TBXAS1: variants seen among roughly 807,000 people sequenced by gnomAD.
The protein encoded by TBXAS1 is thromboxane-A synthase.
TBXAS1 carries 48 observed loss-of-function variants against 60.7 expected under a neutral mutation model. The observed-to-expected ratio is 0.79, with a 90% CI of 0.63 to 1.01. The LOEUF (loss-of-function observed/expected upper bound fraction) is 1.01. Ranked by LOEUF, TBXAS1 falls within the 50% of genes least tolerant of loss-of-function variation. The pLI is 0.00. For missense variants in TBXAS1, 685 were observed against 686.3 expected (o/e 1.00, Z 0.02); for synonymous variants, 287 against 269.7 (o/e 1.06, Z -0.63).
intron 2 of TBXAS1, among the ~76,000 whole-genome samples, chr7:139,781,553 T>C (rs1796989209): frequency 1.3e-5 from 2 of 152,138 alleles, no homozygotes; most frequent in Admixed American, 1.3e-4. Flanking sequence ...GAAAAGCAGC[T>C]GGGTGCTGTG....
chr7:139,950,615 G>A (rs1021791321), intron 5 of TBXAS1, among the ~76,000 whole-genome samples: 6 of 152,002 alleles, frequency 3.9e-5, no homozygotes, highest in Admixed American at 1.3e-4. Flanking sequence ...CCACCTCCAC[G>A]TGGCAGCCTT....
intron 1 of TBXAS1, among the ~76,000 whole-genome samples, chr7:139,834,503 A>G (rs1798930017): frequency 6.6e-6 from 1 of 152,186 alleles, no homozygotes; most frequent in Non-Finnish European, 1.5e-5. Context: ...ATACACACAC[A>G]CAAAATAAAA....
At chr7:139,897,672 C>G (rs552630429) in intron 3 of TBXAS1, among the ~76,000 whole-genome samples, 53 of 152,254 alleles carry the variant, frequency 3.5e-4, no homozygotes, top group Non-Finnish European at 5.7e-4. Context: ...ACAGGCTCTA[C>G]AAACTCCTGA....
At chr7:139,956,943 C>T (rs1809911432) in intron 7 of TBXAS1, among the ~76,000 whole-genome samples, 1 of 152,254 alleles carries the variant, frequency 6.6e-6, no homozygotes, top group Non-Finnish European at 1.5e-5. Context: ...TCTCCCCAGC[C>T]CAGCTCCCAT....
At chr7:139,827,523 CTTT>C (rs139614756), upstream of TBXAS1, among the ~76,000 whole-genome samples, 9,565 of 149,060 alleles carry the variant, frequency 0.064, 985 homozygotes, top group African/African-American at 0.22. Flanking sequence ...CTGTGTACTT[CTTT>C]GTTTGTTTTT....
chr7:139,962,004 A>T lies in TBXAS1; in HGVS notation c.905A>T (p.Asp302Val). The change falls in exon 9 of 13, where the codon GAC (aspartate) becomes GTC (valine). Residue 302 changes from aspartate to valine, a missense_variant. Physicochemically the swap from Asp to Val is radical, Grantham distance 152. Transcript: ENST00000448866. ...GTGCAAGACTTTGACATCGTCAGAGACGTTTTCTCCTCTACTGGGTGCAAG... is the reference window on the plus strand; with the variant it reads ...GTGCAAGACTTTGACATCGTCAGAGTCGTTTTCTCCTCTACTGGGTGCAAG... ...MGVQDFDIVR[D>V]VFSSTGCKPN... is the part of the protein sequence containing the mutation. 1 of 1,614,226 alleles carries T rather than the reference A, an allele frequency of 6.2e-7. No homozygotes were observed. Among genetic ancestry groups the T allele is most frequent in the Non-Finnish European group, 8.5e-7 (1 of 1,180,038 alleles).
chr7:140,009,440 T>C (rs1345110913), intron 10 of TBXAS1, among the ~76,000 whole-genome samples: 5 of 152,106 alleles, frequency 3.3e-5, no homozygotes, highest in African/African-American at 1.2e-4. Flanking sequence ...CAGGTGGAAC[T>C]GTAGTGCCCG....
chr7:139,819,163 C>T (rs1434907252), intron 4 of TBXAS1, among the ~76,000 whole-genome samples: 1 of 152,216 alleles, frequency 6.6e-6, no homozygotes, highest in African/African-American at 2.4e-5. Context: ...TCTCAGCCTC[C>T]TTTGCAATTA....
chr7:140,014,915 A>AAAAAAAAAAAAAAAG (rs1399908570), intron 10 of TBXAS1, among the ~76,000 whole-genome samples: 1 of 151,374 alleles, frequency 6.6e-6, no homozygotes, highest in African/African-American at 2.4e-5. Flanking sequence ...TCTCAAAAAA[A>AAAAAAAAAAAAAAAG]AAGAAGAAGA....
At chr7:139,968,884 A>G (rs1164813675) in intron 9 of TBXAS1, among the ~76,000 whole-genome samples, 2 of 152,316 alleles carry the variant, frequency 1.3e-5, no homozygotes, top group Non-Finnish European at 2.9e-5. Flanking sequence ...TGAAAAAACC[A>G]CACCATCTAT....
intron 5 of TBXAS1, among the ~76,000 whole-genome samples, chr7:139,937,207 T>C (rs1807864194): frequency 6.6e-6 from 1 of 152,206 alleles, no homozygotes; most frequent in African/African-American, 2.4e-5. Flanking sequence ...GGGGCTTCTT[T>C]AGTTCCAGTC....
At chr7:139,965,073 CT>C (rs1276439986) in intron 9 of TBXAS1, among the ~76,000 whole-genome samples, 2 of 152,178 alleles carry the variant, frequency 1.3e-5, no homozygotes, top group Non-Finnish European at 2.9e-5. Context: ...ACAAAATTAG[CT>C]GGGTGTGGTG....
In TBXAS1 at chr7:139,860,778, C is replaced by CA. The variant is rs201624205; in HGVS notation, c.90-11456dup. On this transcript the variant is annotated intron_variant, in intron 1 of 12. Coordinates refer to ENST00000448866, the MANE Select transcript of TBXAS1 (RefSeq NM_001061.7). Reference sequence around the variant, plus strand: ...TTGGACTTCTGGCCTCCAGAGCTGTCAGAGAATAAATTTGTGTTGTTTTAA... The same window carrying CA: ...TTGGACTTCTGGCCTCCAGAGCTGTCAAGAGAATAAATTTGTGTTGTTTTAA... Among the ~76,000 whole-genome samples the CA allele has an allele frequency of 5.8e-3, 890 of 152,318 alleles. 7 individuals carry two copies. The highest frequency in any genetic ancestry group is 0.026 in the South Asian group (125 of 4,828).
intron 1 of TBXAS1, among the ~76,000 whole-genome samples, chr7:139,853,958 C>G (rs1047905057): frequency 5.3e-5 from 8 of 152,124 alleles, no homozygotes; most frequent in Admixed American, 3.9e-4. Context: ...TGGGTGGGCT[C>G]CTGGAGGAGG....
At chr7:139,833,785 A>T (rs571393994) in intron 1 of TBXAS1, among the ~76,000 whole-genome samples, 9 of 152,226 alleles carry the variant, frequency 5.9e-5, no homozygotes, top group Non-Finnish European at 1.3e-4. Context: ...ATATGCACCT[A>T]AAACTGGAGC....
At position 139,829,860 on chromosome 7, in the gene TBXAS1, T is replaced by C. The variant is rs372578465; in HGVS notation, c.89+381T>C. ...TGTTGGATTTACAGTGAATTCAGCC[T>C]CTTGGTTCATATTACATTCAAAACA... On this transcript the variant is annotated intron_variant, in intron 1 of 12. Transcript: ENST00000448866. Among the ~76,000 whole-genome samples, 96 of 152,326 alleles carry C rather than the reference T, an allele frequency of 6.3e-4. 2 individuals are homozygous for C. Among genetic ancestry groups the C allele is most frequent in the African/African-American group, 5.1e-4 (21 of 41,580 alleles).
chr7:139,875,270 T>A (rs970132494), intron 2 of TBXAS1, among the ~76,000 whole-genome samples: 3 of 152,232 alleles, frequency 2.0e-5, no homozygotes, highest in Non-Finnish European at 4.4e-5. Flanking sequence ...AAGGGCTATA[T>A]GATAATGCTA....
intron 3 of TBXAS1, among the ~76,000 whole-genome samples, chr7:139,900,820 AAGTC>A (rs1391905681): frequency 6.6e-6 from 1 of 152,210 alleles, no homozygotes; most frequent in Non-Finnish European, 1.5e-5. Flanking sequence ...CTCCAGGAGA[AAGTC>A]AGAGCTTTTC....
chr7:139,976,334 C>A (rs1811562314), intron 9 of TBXAS1, among the ~76,000 whole-genome samples: 1 of 152,176 alleles, frequency 6.6e-6, no homozygotes, highest in Admixed American at 6.5e-5. Flanking sequence ...CGGGGGACAG[C>A]CCTGCATCCT....
Sources: gnomAD v4.1 joint callset for allele counts (sites outside exome capture counted in the v4.1 genomes callset) on GRCh38, gnomAD v4.1.1 for gene constraint, MANE v1.5 for transcripts, NCBI Gene and HGNC (gene_info 2026-07-23, HGNC 2026-07-21) for gene names.